Variants in TM4SF4 observed in about 807,000 individuals in gnomAD.
TM4SF4 encodes the protein transmembrane 4 L6 family member 4.
TM4SF4 carries 24 observed loss-of-function variants against 24.1 expected under a neutral mutation model. The observed-to-expected ratio is 1.00, with a 90% CI of 0.72 to 1.40. TM4SF4 has a LOEUF of 1.40. Among genes scored for constraint, TM4SF4 ranks in the 40% most tolerant of loss-of-function variants. TM4SF4 has a pLI of 0.00. For synonymous variants in TM4SF4, 113 were observed against 97.0 expected (o/e 1.17, Z -0.97); for missense variants, 254 against 254.2 (o/e 1.00, Z 0.01).
chr3:149,476,085 C>G (rs1252171275), intron 2 of TM4SF4, among the ~76,000 whole-genome samples, 173 bp downstream of exon 2: 1 of 152,152 alleles, frequency 6.6e-6, no homozygotes, highest in Non-Finnish European at 1.5e-5. Context: ...AATAATTTTC[C>G]AAAATACCAT....
At chr3:149,491,780 G>T (rs1734214415) in intron 3 of TM4SF4, among the ~76,000 whole-genome samples, 1 of 152,118 alleles carries the variant, frequency 6.6e-6, no homozygotes, top group Non-Finnish European at 1.5e-5. Context: ...AGGTGACATG[G>T]GCTGATTTTG....
chr3:149,502,213 T>A (rs1000045441), intron 4 of TM4SF4, among the ~76,000 whole-genome samples: 1 of 152,160 alleles, frequency 6.6e-6, no homozygotes, highest in Non-Finnish European at 1.5e-5. Context: ...ACATAGCACT[T>A]GGTCTCTCAG....
chr3:149,498,743 C>T lies in TM4SF4; in HGVS notation c.423C>T (p.Ala141=), dbSNP rs757028281. The T allele has an allele frequency of 6.2e-7, 1 of 1,613,958 alleles. No individual in the cohort carries two copies. Among genetic ancestry groups the T allele is most frequent in the South Asian group, 1.1e-5 (1 of 91,082 alleles). ...FHDGDYLNDE[A]LWNKCREPLN... ...ACAGGGATTATCTCAATGATGAGGC[C>T]TTATGGAACAAGTGCCGAGAGCCTC... The change falls in exon 4 of 5, where the codon GCC becomes GCT. Residue 141 remains alanine (A), a synonymous_variant. Transcript: ENST00000305354.
In TM4SF4 at chr3:149,498,868, T is replaced by C; in HGVS notation, c.548T>C (p.Leu183Pro). 6.2e-7 allele frequency: 1 copy of C among 1,613,958 alleles called. No homozygotes were observed. Among genetic ancestry groups the C allele is most frequent in the Non-Finnish European group, 8.5e-7 (1 of 1,179,860 alleles). ...LCAIQVVNGLLGTLCGDCQCC... is the reference protein window; with the variant it reads ...LCAIQVVNGLPGTLCGDCQCC... ...GCCATCCAGGTGGTCAATGGCCTCC[T>C]GGGGACCCTCTGTGGGGACTGCCAG... The change falls in exon 4 of 5, where the codon CTG becomes CCG. Residue 183 changes from leucine (L) to proline (P), a missense_variant. Physicochemically the swap from Leu to Pro is moderately conservative, Grantham distance 98 (BLOSUM62 -3). Transcript: ENST00000305354.
chr3:149,485,561 T>C (rs1216897373), intron 2 of TM4SF4, among the ~76,000 whole-genome samples: 1 of 152,198 alleles, frequency 6.6e-6, no homozygotes, highest in African/African-American at 2.4e-5. Context: ...TGTGGAAAAA[T>C]GCCCTATCTT....
chr3:149,493,272 G>A (rs1019988684), intron 3 of TM4SF4, among the ~76,000 whole-genome samples: 3 of 152,106 alleles, frequency 2.0e-5, no homozygotes, highest in African/African-American at 7.2e-5. Flanking sequence ...TCTTTATTGT[G>A]ATATAAGTAA....
chr3:149,500,524 A>G (rs1207783074), intron 4 of TM4SF4, among the ~76,000 whole-genome samples: 1 of 152,186 alleles, frequency 6.6e-6, no homozygotes, highest in East Asian at 1.9e-4. Flanking sequence ...TAAACATACT[A>G]GAGAGGAAAA....
chr3:149,483,470 A>C (rs2107868797), intron 2 of TM4SF4, among the ~76,000 whole-genome samples: 1 of 151,786 alleles, frequency 6.6e-6, no homozygotes, highest in South Asian at 2.1e-4. Flanking sequence ...AACTATAACA[A>C]AAAAAAGAAT....
Position 149,475,029 on chromosome 3 carries a change from G to A in TM4SF4, c.152G>A (p.Gly51Glu), listed in dbSNP as rs772548423. ...HLSQEIWFFG[G>E]ILGSGVLMIF... ...TCCCAAGAGATCTGGTTTTTCGGAG[G>A]AATATTAGGAAGCGGTGTCTTGGTG... is the stretch of plus-strand genomic sequence containing the variant. Residue 51 changes from glycine to glutamate, a missense_variant, in exon 1 of 5, where the codon GGA becomes GAA. Physicochemically the swap from Gly to Glu is moderately conservative, Grantham distance 98. Coordinates refer to ENST00000305354, the MANE Select transcript of TM4SF4 (RefSeq NM_004617.4). 3 of 1,612,938 alleles carry A rather than the reference G, an allele frequency of 1.9e-6. No homozygotes were observed. The highest frequency in any genetic ancestry group is 1.7e-5 in the Admixed American group (1 of 59,844).
At chr3:149,496,754 G>C (rs779166299) in intron 3 of TM4SF4, among the ~76,000 whole-genome samples, 2 of 151,854 alleles carry the variant, frequency 1.3e-5, no homozygotes, top group African/African-American at 2.4e-5. Context: ...GGCAACAAGA[G>C]CGAAACTCCG....
chr3:149,485,156 T>C (rs912429441), intron 2 of TM4SF4, among the ~76,000 whole-genome samples: 3 of 152,232 alleles, frequency 2.0e-5, no homozygotes, highest in Non-Finnish European at 2.9e-5. Context: ...TGAATGATTT[T>C]CCTTATATTC....
intron 3 of TM4SF4, among the ~76,000 whole-genome samples, chr3:149,488,100 A>G (rs1406214654): frequency 1.3e-5 from 2 of 152,238 alleles, no homozygotes; most frequent in Admixed American, 6.5e-5. Context: ...AATAGTTTTC[A>G]TTACAAATCT....
Position 149,498,850 on chromosome 3 carries a change from AG to A in TM4SF4, c.532del (p.Val178TrpfsTer30). ...ATCCAGATGGTTCTCTGCGCCATCC[AG>A]GTGGTCAATGGCCTCCTGGGGACCC... ...GGIQMVLCAI[Q>X]VVNGLLGTLC... is the part of the protein sequence containing the mutation. On this transcript the variant is annotated frameshift_variant, in exon 4 of 5. Coordinates refer to ENST00000305354, the MANE Select transcript of TM4SF4 (RefSeq NM_004617.4). LOFTEE classifies it high-confidence loss of function. 1 of 1,613,990 alleles carries A rather than the reference AG, an allele frequency of 6.2e-7. No individual in the cohort carries two copies.
chr3:149,501,594 A>C (rs1734427343), intron 4 of TM4SF4, among the ~76,000 whole-genome samples: 1 of 152,200 alleles, frequency 6.6e-6, no homozygotes, highest in Admixed American at 6.5e-5. Context: ...CAGTCTGCTG[A>C]AGATTCCTTT....
At chr3:149,483,567 G>C (rs114285574) in intron 2 of TM4SF4, among the ~76,000 whole-genome samples, 4,764 of 150,952 alleles carry the variant, frequency 0.032, 84 homozygotes, top group Middle Eastern at 0.062. Context: ...AATAAGAATG[G>C]AAAACTGCAA....
chr3:149,494,143 G>T (rs777303566), intron 3 of TM4SF4, among the ~76,000 whole-genome samples: 1 of 152,174 alleles, frequency 6.6e-6, no homozygotes, highest in East Asian at 1.9e-4. Context: ...TGGGGAGTTG[G>T]ACACAGTGAT....
chr3:149,475,055 A>G lies in TM4SF4; in HGVS notation c.174+4A>G. The stretch of plus-strand genomic sequence containing the variant: ...AATATTAGGAAGCGGTGTCTTGGTG[A>G]GTAGGGAAGCTTAAAATCCCCCTAA... On this transcript the variant is annotated splice_donor_region_variant and intron_variant, in intron 1 of 4. Coordinates refer to ENST00000305354, the MANE Select transcript of TM4SF4 (RefSeq NM_004617.4). The G allele has an allele frequency of 6.4e-7, 1 of 1,550,728 alleles. No homozygotes were observed. The highest frequency in any genetic ancestry group is 8.8e-7 in the Non-Finnish European group (1 of 1,140,206).
intron 4 of TM4SF4, among the ~76,000 whole-genome samples, chr3:149,502,045 G>A (rs1734437730): frequency 6.6e-6 from 1 of 152,142 alleles, no homozygotes; most frequent in African/African-American, 2.4e-5. Context: ...GAATTCATTT[G>A]AATCCTTAGA....
At chr3:149,501,189 C>T (rs542476399) in intron 4 of TM4SF4, among the ~76,000 whole-genome samples, 5 of 152,168 alleles carry the variant, frequency 3.3e-5, no homozygotes, top group African/African-American at 1.2e-4. Flanking sequence ...ATTTGGATAC[C>T]ATATTTTGGA....
Sources: allele counts gnomAD v4.1 joint callset (sites outside exome capture counted in the v4.1 genomes callset), GRCh38; gene constraint gnomAD v4.1.1; transcripts MANE v1.5; gene names NCBI Gene and HGNC (gene_info 2026-07-23, HGNC 2026-07-21).